Variants in DGKB observed in about 807,000 individuals in gnomAD.
The protein encoded by DGKB is 90 kDa diacylglycerol kinase.
A neutral mutation model predicts 114.3 loss-of-function variants in DGKB; 67 were observed. That is an observed-to-expected ratio of 0.59 (90% CI 0.48 to 0.72). DGKB has a LOEUF of 0.72. DGKB is among the 30% of genes least tolerant of loss of function. The pLI, the probability that DGKB is intolerant of heterozygous loss-of-function variation, is 0.00. For synonymous variants in DGKB, 398 were observed against 323.1 expected (o/e 1.23, Z -2.49); for missense variants, 907 against 975.2 (o/e 0.93, Z 0.93).
chr7:14,337,738 T>C (rs1380099403), intron 23 of DGKB, among the ~76,000 whole-genome samples: 1 of 152,186 alleles, frequency 6.6e-6, no homozygotes, highest in East Asian at 1.9e-4. Flanking sequence ...GATTTCTCAA[T>C]GTCATCAGTA....
At chr7:14,553,044 A>C (rs138922539) in intron 20 of DGKB, among the ~76,000 whole-genome samples, 144 of 152,384 alleles carry the variant, frequency 9.4e-4, no homozygotes, top group Non-Finnish European at 1.6e-3. Context: ...AGATAAAGTC[A>C]AATGTTAAGA....
chr7:14,412,569 G>T (rs1227356101), intron 21 of DGKB, among the ~76,000 whole-genome samples: 1 of 152,180 alleles, frequency 6.6e-6, no homozygotes, highest in Non-Finnish European at 1.5e-5. Flanking sequence ...GCAGGTGACA[G>T]ATCAAACCAG....
chr7:14,701,939 A>C (rs2129011906), intron 6 of DGKB, among the ~76,000 whole-genome samples: 1 of 152,362 alleles, frequency 6.6e-6, no homozygotes, highest in Non-Finnish European at 1.5e-5. Context: ...AAAGTCTATC[A>C]AATTTTGTTT....
At chr7:14,797,837 A>G (rs6461131) in intron 2 of DGKB, among the ~76,000 whole-genome samples, 64,470 of 151,858 alleles carry the variant, frequency 0.42, 16,071 homozygotes, top group African/African-American at 0.7. Context: ...CAGAGCAGGA[A>G]GGAGGGTTAC....
intron 21 of DGKB, among the ~76,000 whole-genome samples, chr7:14,447,903 G>A (rs1399592161): frequency 1.3e-5 from 2 of 151,950 alleles, no homozygotes; most frequent in Admixed American, 6.6e-5. Flanking sequence ...ATTTTTAGAC[G>A]GTGCTTGGTC....
intron 25 of DGKB, among the ~76,000 whole-genome samples, chr7:14,155,905 G>A (rs568112942): frequency 8.5e-5 from 13 of 152,190 alleles, no homozygotes; most frequent in African/African-American, 2.6e-4. Context: ...TGTTCGGAAG[G>A]GAGAACAGGT....
chr7:14,319,765 T>G (rs1350797589), intron 23 of DGKB, among the ~76,000 whole-genome samples: 1 of 152,306 alleles, frequency 6.6e-6, no homozygotes, highest in Non-Finnish European at 1.5e-5. Flanking sequence ...CATCCAGTGG[T>G]CTATAGTATG....
intron 15 of DGKB, among the ~76,000 whole-genome samples, chr7:14,616,537 G>C (rs950774088): frequency 6.6e-6 from 1 of 151,644 alleles, no homozygotes; most frequent in African/African-American, 2.4e-5. Flanking sequence ...TATAGATTTT[G>C]GTGGAGTAGG....
chr7:14,573,707 A>T (rs986139742), intron 20 of DGKB, among the ~76,000 whole-genome samples: 2 of 152,106 alleles, frequency 1.3e-5, no homozygotes, highest in African/African-American at 2.4e-5. Flanking sequence ...TAAGATTCTA[A>T]AAGAAATGAA....
rs749211887 is a variant in DGKB, at chr7:14,682,668, A to G, written c.920T>C (p.Val307Ala). ...TYVKSKRNTDVMHHYWVEGNC... is the reference protein window; with the variant it reads ...TYVKSKRNTDAMHHYWVEGNC... ...ACCTTCAACCCAGTAATGGTGCATG[A>G]CCTAGAACAGAATGACAACATTGTG... The change falls in exon 12 of 26, where the codon GTC becomes GCC. Residue 307 changes from valine to alanine, a missense_variant and splice_region_variant. Val to Ala is a moderately conservative substitution (Grantham distance 64). Coordinates refer to ENST00000402815, the MANE Select transcript of DGKB (RefSeq NM_001350709.2). 3.7e-6 allele frequency: 6 copies of G among 1,612,278 alleles called. No individual in the cohort carries two copies. In the Admixed American group the frequency reaches 8.3e-5, roughly 22 times the overall value.
chr7:14,362,784 T>C (rs749361217), intron 21 of DGKB, among the ~76,000 whole-genome samples: 12 of 152,150 alleles, frequency 7.9e-5, no homozygotes, highest in Non-Finnish European at 7.4e-5. Context: ...TGTATTACAA[T>C]GTACTGTTTA....
At chr7:14,822,958 T>C (rs895636955) in intron 2 of DGKB, among the ~76,000 whole-genome samples, 1 of 152,182 alleles carries the variant, frequency 6.6e-6, no homozygotes, top group South Asian at 2.1e-4. Flanking sequence ...TATAATTGGA[T>C]AATTCAATCC....
At chr7:14,805,176 T>C (rs1332625190) in intron 2 of DGKB, among the ~76,000 whole-genome samples, 3 of 152,120 alleles carry the variant, frequency 2.0e-5, no homozygotes, top group Admixed American at 6.6e-5. Flanking sequence ...AGTGAATTGC[T>C]ATTTCCAGGA....
intron 20 of DGKB, among the ~76,000 whole-genome samples, chr7:14,532,567 A>T (rs1791772686): frequency 6.6e-6 from 1 of 151,526 alleles, no homozygotes; most frequent in South Asian, 2.1e-4. Flanking sequence ...TTGATAAAAC[A>T]GTGAATATAT....
intron 23 of DGKB, among the ~76,000 whole-genome samples, chr7:14,279,955 C>A (rs1432744712): frequency 6.6e-6 from 1 of 152,168 alleles, no homozygotes; most frequent in African/African-American, 2.4e-5. Flanking sequence ...CAGAGCGACT[C>A]TCCTCCTCCA....
intron 1 of DGKB, among the ~76,000 whole-genome samples, chr7:14,959,159 T>C (rs1031876899): frequency 2.7e-5 from 4 of 148,726 alleles, no homozygotes; most frequent in Non-Finnish European, 6.1e-5. Flanking sequence ...TATTTTACCA[T>C]TTGTTCAGTT....
In DGKB at chr7:14,884,572, C is replaced by T. The variant is rs570874754; in HGVS notation, c.-188+18020G>A. ...CAGCCTGACTTTTTCTGAGGCAGCA[C>T]TCAATTTATCACTCTGCTCCTTGAG... is the stretch of plus-strand genomic sequence containing the variant. On this transcript the variant is annotated intron_variant, in intron 1 of 25. Coordinates refer to ENST00000402815, the MANE Select transcript of DGKB (RefSeq NM_001350709.2). Among the ~76,000 whole-genome samples the T allele has an allele frequency of 5.9e-5, 9 of 152,058 alleles. No individual in the cohort carries two copies. The South Asian group carries it at 1.2e-3, about 21-fold the overall frequency.
chr7:14,812,094 A>G (rs1467009483), intron 2 of DGKB, among the ~76,000 whole-genome samples: 1 of 152,134 alleles, frequency 6.6e-6, no homozygotes, highest in African/African-American at 2.4e-5. Context: ...ATCAAGCTTC[A>G]TTCATGTTGT....
At chr7:14,562,245 T>C (rs1260936822) in intron 20 of DGKB, among the ~76,000 whole-genome samples, 1 of 152,170 alleles carries the variant, frequency 6.6e-6, no homozygotes, top group Non-Finnish European at 1.5e-5. Context: ...AGAGGATGTA[T>C]GGAAACATCT....
Sources: gnomAD v4.1 joint callset for allele counts (sites outside exome capture counted in the v4.1 genomes callset) on GRCh38, gnomAD v4.1.1 for gene constraint, MANE v1.5 for transcripts, NCBI Gene and HGNC (gene_info 2026-07-23, HGNC 2026-07-21) for gene names.